Variants in SCHIP1 observed in about 807,000 individuals in gnomAD.
SCHIP1 encodes the protein schwannomin interacting protein 1.
In SCHIP1, 8 loss-of-function variants were observed where a neutral mutation model predicts 29.7. The ratio of observed to expected loss-of-function variants is 0.27; its 90% CI spans 0.16 to 0.49. The LOEUF (loss-of-function observed/expected upper bound fraction) is 0.49. Among genes scored for constraint, SCHIP1 ranks in the 20% least tolerant of loss-of-function variants. The probability of loss-of-function intolerance (pLI) is 0.99; values close to 1 mark genes in which losing one functional copy is unlikely to be tolerated. For synonymous variants in SCHIP1, 76 were observed against 94.9 expected, an observed-to-expected ratio of 0.80 and a Z score of 1.16; for missense variants, 193 against 294.6, an observed-to-expected ratio of 0.66 and a Z score of 2.52.
chr3:159,435,369 A>G, the SCHIP1 span, among the ~76,000 whole-genome samples: 1 of 152,122 alleles, frequency 6.6e-6, no homozygotes, highest in Non-Finnish European at 1.5e-5. Context: ...CAACCATATC[A>G]AAGTAACAGA....
chr3:159,651,170 AT>A, the SCHIP1 span, among the ~76,000 whole-genome samples: 1 of 152,222 alleles, frequency 6.6e-6, no homozygotes, highest in Non-Finnish European at 1.5e-5. Context: ...AAAAGGGAAA[AT>A]ATACAATTCA....
the SCHIP1 span, among the ~76,000 whole-genome samples, chr3:159,805,023 C>G: frequency 5.3e-5 from 8 of 152,298 alleles, no homozygotes; most frequent in East Asian, 1.5e-3. Context: ...GATTTCTCCT[C>G]AATCTCATTG....
chr3:159,793,886 GGCT>G, the SCHIP1 span, among the ~76,000 whole-genome samples: 3 of 152,116 alleles, frequency 2.0e-5, no homozygotes, highest in Non-Finnish European at 4.4e-5. Flanking sequence ...AATTTCTGGA[GGCT>G]GCTTGCATTG....
At chr3:159,779,534 A>G in the SCHIP1 span, among the ~76,000 whole-genome samples, 1 of 151,578 alleles carries the variant, frequency 6.6e-6, no homozygotes, top group African/African-American at 2.4e-5. Context: ...TTAGCTGGTC[A>G]TGGTGGCACA....
At chr3:159,832,572 C>G in the SCHIP1 span, among the ~76,000 whole-genome samples, 1 of 152,186 alleles carries the variant, frequency 6.6e-6, no homozygotes, top group African/African-American at 2.4e-5. Flanking sequence ...CCCTAACACA[C>G]GACTACTGAA....
the SCHIP1 span, among the ~76,000 whole-genome samples, chr3:159,449,962 AAGAGAAGAGGAAGGAAAGAG>A: frequency 6.6e-6 from 1 of 152,060 alleles, no homozygotes; most frequent in African/African-American, 2.4e-5. Context: ...GAAGAGAGGG[AAGAGAAGAGGAAGGAAAGAG>A]AGGGGAGAGA....
chr3:159,436,694 G>C, the SCHIP1 span, among the ~76,000 whole-genome samples: 1 of 152,146 alleles, frequency 6.6e-6, no homozygotes, highest in Non-Finnish European at 1.5e-5. Context: ...TACTTGAAAG[G>C]TATCTGCAAA....
chr3:159,274,289 C>T, the SCHIP1 span: 1 of 984,876 alleles, frequency 1.0e-6, no homozygotes, highest in African/African-American at 1.7e-5. Flanking sequence ...TTGGGAAGAT[C>T]AGTGTTAAAC....
the SCHIP1 span, among the ~76,000 whole-genome samples, chr3:159,748,008 A>C: frequency 6.6e-6 from 1 of 152,206 alleles, no homozygotes; most frequent in East Asian, 1.9e-4. Flanking sequence ...TCTAATAAGA[A>C]ACATCTTCAG....
chr3:159,308,700 G>C, the SCHIP1 span, among the ~76,000 whole-genome samples: 1 of 152,124 alleles, frequency 6.6e-6, no homozygotes, highest in Admixed American at 6.6e-5. Context: ...CTACCGAAAA[G>C]ACATATGCAC....
chr3:159,873,154 C>T (rs887661827), intron 2 of SCHIP1, among the ~76,000 whole-genome samples: 10 of 152,236 alleles, frequency 6.6e-5, no homozygotes, highest in African/African-American at 2.4e-4. Context: ...ACCAGGTAAA[C>T]CTGATATGAA....
chr3:159,720,440 C>T, the SCHIP1 span, among the ~76,000 whole-genome samples: 7 of 151,950 alleles, frequency 4.6e-5, no homozygotes, highest in Admixed American at 4.6e-4. Context: ...GAACATCTTG[C>T]CCTTCTCAGT....
the SCHIP1 span, among the ~76,000 whole-genome samples, chr3:159,499,318 G>C: frequency 4.3e-4 from 66 of 152,210 alleles, no homozygotes; most frequent in African/African-American, 1.5e-3. Context: ...AAAATACTAC[G>C]ATCTACTCTA....
chr3:159,281,194 G>A, the SCHIP1 span, among the ~76,000 whole-genome samples: 1 of 152,112 alleles, frequency 6.6e-6, no homozygotes, highest in African/African-American at 2.4e-5. Context: ...TTAGAAGCTA[G>A]GAAAAAGAAA....
chr3:159,654,767 T>C, the SCHIP1 span, among the ~76,000 whole-genome samples: 1 of 107,370 alleles, frequency 9.3e-6, no homozygotes, highest in Non-Finnish European at 1.8e-5. Flanking sequence ...CCTTGAAAAA[T>C]GAAGCTACTT....
At chr3:159,739,345 T>C in the SCHIP1 span, among the ~76,000 whole-genome samples, 1 of 152,026 alleles carries the variant, frequency 6.6e-6, no homozygotes, top group Admixed American at 6.5e-5. Flanking sequence ...GAGTGGAGAG[T>C]AAATTGTAAG....
the SCHIP1 span, among the ~76,000 whole-genome samples, chr3:159,428,202 A>C: frequency 5.9e-5 from 9 of 152,264 alleles, no homozygotes; most frequent in South Asian, 1.2e-3. Context: ...AATGGGATCT[A>C]ATTAAACTAA....
At chr3:159,650,921 T>A in the SCHIP1 span, among the ~76,000 whole-genome samples, 4 of 152,282 alleles carry the variant, frequency 2.6e-5, no homozygotes, top group African/African-American at 9.6e-5. Flanking sequence ...AGCTTAGTAA[T>A]CAGAACTACC....
At chr3:159,857,980 C>T (rs931082895) in intron 1 of SCHIP1, among the ~76,000 whole-genome samples, 1 of 152,096 alleles carries the variant, frequency 6.6e-6, no homozygotes, top group African/African-American at 2.4e-5. Context: ...TCTGTGTCCA[C>T]CTCCCCCGGA....
Sources: allele counts gnomAD v4.1 joint callset (sites outside exome capture counted in the v4.1 genomes callset), GRCh38; gene constraint gnomAD v4.1.1; transcripts MANE v1.5; gene names NCBI Gene and HGNC (gene_info 2026-07-23, HGNC 2026-07-21).